Variants in CALD1 observed in about 807,000 individuals in gnomAD.
CALD1 encodes caldesmon 1.
A neutral mutation model predicts 99.9 loss-of-function variants in CALD1; 33 were observed. The observed-to-expected ratio is 0.33, with a 90% CI of 0.25 to 0.44. The LOEUF (loss-of-function observed/expected upper bound fraction) is 0.44. CALD1 is among the 20% of genes least tolerant of loss of function. The pLI is 1.00. For missense variants in CALD1, 861 were observed against 962.1 expected (o/e 0.89, Z 1.39); for synonymous variants, 310 against 325.0 (o/e 0.95, Z 0.50).
intron 11 of CALD1, among the ~76,000 whole-genome samples, chr7:134,959,679 C>T (rs950878455): frequency 6.6e-6 from 1 of 151,774 alleles, no homozygotes; most frequent in African/African-American, 2.4e-5. Flanking sequence ...CAAAAAAAAA[C>T]AAAAAAGTAT....
intron 1 of CALD1, among the ~76,000 whole-genome samples, chr7:134,827,528 A>G (rs1455340050): frequency 1.3e-5 from 2 of 152,230 alleles, no homozygotes; most frequent in East Asian, 3.8e-4. Flanking sequence ...CAATTTGCCA[A>G]AGTCATCCAG....
At chr7:134,946,441 G>A (rs1368841083) in intron 7 of CALD1, among the ~76,000 whole-genome samples, 1 of 152,088 alleles carries the variant, frequency 6.6e-6, no homozygotes, top group East Asian at 1.9e-4. Context: ...CATCTTGCAA[G>A]ACTGAAAGAC....
At chr7:134,883,529 TA>T (rs541822454) in intron 3 of CALD1, among the ~76,000 whole-genome samples, 3 of 151,942 alleles carry the variant, frequency 2.0e-5, no homozygotes, top group Admixed American at 6.5e-5. Context: ...TTAGTGAGAT[TA>T]AAAAAAAGGC....
At chr7:134,742,670 A>G (rs536091459), upstream of CALD1, among the ~76,000 whole-genome samples, 20 of 152,354 alleles carry the variant, frequency 1.3e-4, no homozygotes, top group South Asian at 4.1e-3. Flanking sequence ...TGGAGATTAA[A>G]GGAGAAACAG....
chr7:134,760,643 CAG>C (rs1418546103), intron 1 of CALD1, among the ~76,000 whole-genome samples: 1 of 152,120 alleles, frequency 6.6e-6, no homozygotes, highest in Non-Finnish European at 1.5e-5. Context: ...ATATATAAAA[CAG>C]TGCATTTACA....
At chr7:134,901,169 T>G (rs111293882) in intron 3 of CALD1, among the ~76,000 whole-genome samples, 116 of 147,128 alleles carry the variant, frequency 7.9e-4, no homozygotes, top group African/African-American at 2.8e-3. Flanking sequence ...GAAGTAGGGT[T>G]TTTTTTTTTT....
chr7:134,853,314 G>A (rs954516084), intron 2 of CALD1, among the ~76,000 whole-genome samples: 5 of 152,078 alleles, frequency 3.3e-5, no homozygotes, highest in African/African-American at 9.7e-5. Flanking sequence ...TGCACCTAGG[G>A]GAGCAAATGT....
chr7:134,733,231 C>A, the CALD1 span, among the ~76,000 whole-genome samples: 1 of 152,138 alleles, frequency 6.6e-6, no homozygotes, highest in Non-Finnish European at 1.5e-5. Flanking sequence ...TGCATGGAAC[C>A]CAGTGCTCAA....
Position 134,960,166 on chromosome 7 carries a change from C to G in CALD1, c.2199+55C>G, listed in dbSNP as rs768561147. The stretch of plus-strand genomic sequence containing the variant: ...TAGAGGGGCATATTTTTTTGCATGT[C>G]GATTTTGATTTAGGAATCACACTAG... On this transcript the variant is annotated intron_variant, in intron 12 of 14. Coordinates refer to ENST00000361675, the MANE Select transcript of CALD1 (RefSeq NM_033138.4). 13 of 1,587,584 alleles carry G rather than the reference C, an allele frequency of 8.2e-6. No individual in the cohort carries two copies. The Admixed American group carries it at 1.5e-4, about 19-fold the overall frequency.
chr7:134,933,334 G>C lies in CALD1; in HGVS notation c.565G>C (p.Glu189Gln), dbSNP rs749484180. 1.0e-5 allele frequency: 16 copies of C among 1,602,814 alleles called. No homozygotes were observed. Among genetic ancestry groups the C allele is most frequent in the Non-Finnish European group, 1.4e-5 (16 of 1,174,676 alleles). ...DAEENKKEDK[E>Q]KEEEEEEKPK... ...TGAAGAAAACAAGAAAGAAGACAAG[G>C]AAAAGGAGGAGGAGGAAGAGGAGAA... is the stretch of plus-strand genomic sequence containing the variant. The change falls in exon 5 of 15, where the codon GAA becomes CAA. Residue 189 changes from glutamate (E) to glutamine (Q), a missense_variant. This residue lies in a region of CALD1 where 234 missense variants were observed against 233.1 expected (regional missense o/e 1.00). Coordinates refer to ENST00000361675, the MANE Select transcript of CALD1 (RefSeq NM_033138.4).
intron 3 of CALD1, among the ~76,000 whole-genome samples, chr7:134,872,831 A>C (rs1801158983): frequency 6.6e-6 from 1 of 152,222 alleles, no homozygotes; most frequent in Admixed American, 6.5e-5. Flanking sequence ...CAAACAGATA[A>C]AAATTTAGTT....
At chr7:134,861,105 G>A (rs1800545340) in intron 2 of CALD1, among the ~76,000 whole-genome samples, 1 of 152,176 alleles carries the variant, frequency 6.6e-6, no homozygotes, top group South Asian at 2.1e-4. Context: ...TATGTCATGT[G>A]TGATACCTCC....
chr7:134,939,137 A>T (rs1218732934), intron 6 of CALD1, among the ~76,000 whole-genome samples: 1 of 152,228 alleles, frequency 6.6e-6, no homozygotes, highest in East Asian at 1.9e-4. Context: ...GGCCAAAATG[A>T]GAATATATTT....
Position 134,862,605 on chromosome 7 carries a change from T to C in CALD1, c.-41-5088T>C, listed in dbSNP as rs530486501. The stretch of plus-strand genomic sequence containing the variant: ...GATAAATGAGTGGAGCAGGTGGGGT[T>C]TTTAGGGCAGTGAAGCTATTCTGTA... On this transcript the variant is annotated intron_variant, in intron 2 of 14. Transcript: ENST00000361675. Among the ~76,000 whole-genome samples the C allele has an allele frequency of 4.6e-5, 7 of 152,168 alleles. No homozygotes were observed. The South Asian group carries it at 1.5e-3, about 32-fold the overall frequency.
At chr7:134,769,829 C>T (rs1324056844) in intron 1 of CALD1, among the ~76,000 whole-genome samples, 5 of 152,038 alleles carry the variant, frequency 3.3e-5, no homozygotes, top group South Asian at 2.1e-4. Context: ...GTAGAGACAG[C>T]GTTTCACCAT....
At chr7:134,796,057 T>C (rs1797733159) in intron 1 of CALD1, among the ~76,000 whole-genome samples, 1 of 152,260 alleles carries the variant, frequency 6.6e-6, no homozygotes, top group Non-Finnish European at 1.5e-5. Flanking sequence ...AACGGCTCTT[T>C]CCATGGGAGT....
chr7:134,896,761 A>C (rs1193161934), intron 3 of CALD1, among the ~76,000 whole-genome samples: 1 of 152,208 alleles, frequency 6.6e-6, no homozygotes, highest in African/African-American at 2.4e-5. Context: ...CAGCCCATCA[A>C]AATCACTTTA....
rs1304488860 is a variant in CALD1, at chr7:134,970,302, T to G, written c.*1957T>G. On this transcript the variant is annotated 3_prime_UTR_variant, in exon 15 of 15. Coordinates refer to ENST00000361675, the MANE Select transcript of CALD1 (RefSeq NM_033138.4). ...TGTTGTACTTTTGAACAAGAGCTCC[T>G]CCTGATCACTATTACATATTTTTCT... The G allele has an allele frequency of 6.6e-6, 1 of 152,260 alleles. No homozygotes were observed. Among genetic ancestry groups the G allele is most frequent in the East Asian group, 1.9e-4 (1 of 5,206 alleles). 9.4% of individuals were successfully genotyped at this position (152,260 alleles called of 1,614,324 possible). A position where few individuals can be genotyped will look rare whatever the true frequency, so the allele number is the denominator to read the frequency against.
At chr7:134,922,694 A>G (rs918455263) in intron 3 of CALD1, among the ~76,000 whole-genome samples, 33 of 152,182 alleles carry the variant, frequency 2.2e-4, no homozygotes, top group Non-Finnish European at 2.9e-4. Context: ...CTCGTCTGGC[A>G]TATATTTAGA....
Sources: allele counts gnomAD v4.1 joint callset (sites outside exome capture counted in the v4.1 genomes callset), GRCh38; gene constraint gnomAD v4.1.1; regional missense constraint gnomAD v4.1.1; transcripts MANE v1.5; gene names NCBI Gene and HGNC (gene_info 2026-07-23, HGNC 2026-07-21).